Variants in WDFY3 observed in about 807,000 individuals in gnomAD.
WDFY3 encodes WD repeat and FYVE domain-containing protein 3.
In WDFY3, 66 loss-of-function variants were observed where a neutral mutation model predicts 409.6. The observed-to-expected ratio is 0.16, with a 90% CI of 0.13 to 0.20. The LOEUF (loss-of-function observed/expected upper bound fraction) is 0.20. WDFY3 is among the 10% of genes least tolerant of loss of function. The probability of loss-of-function intolerance (pLI) is 1.00; values close to 1 mark genes in which losing one functional copy is unlikely to be tolerated. For synonymous variants in WDFY3, 1,521 were observed against 1,537.1 expected (o/e 0.99, Z 0.25); for missense variants, 3,031 against 4,298.1 (o/e 0.71, Z 8.24).
At chr4:84,700,761 G>GTTCC (rs1730948892) in intron 56 of WDFY3, among the ~76,000 whole-genome samples, 1 of 152,074 alleles carries the variant, frequency 6.6e-6, no homozygotes, top group Admixed American at 6.6e-5. Flanking sequence ...GGTATCCCTG[G>GTTCC]GGAAGAAGGC....
intron 34 of WDFY3, among the ~76,000 whole-genome samples, chr4:84,754,534 A>C (rs1429545185): frequency 6.6e-6 from 1 of 152,222 alleles, no homozygotes; most frequent in Non-Finnish European, 1.5e-5. Context: ...TTTGTCAGGT[A>C]CATGTAATTC....
At position 84,682,522 on chromosome 4, in the gene WDFY3, C is replaced by T. The variant is rs768035834; in HGVS notation, c.9727-52G>A. 5.7e-6 allele frequency: 8 copies of T among 1,402,246 alleles called. No individual in the cohort carries two copies. In the Admixed American group the frequency reaches 8.8e-5, roughly 15 times the overall value. 86.9% of individuals were successfully genotyped at this position (1,402,246 alleles called of 1,614,324 possible). ...AAAAGTTAAGAAACAGATTAAGGAA[C>T]CAATTTACATTACTCAATGAAGAGA... On this transcript the variant is annotated intron_variant, in intron 63 of 67. Transcript: ENST00000295888.
At chr4:84,921,048 G>A (rs1167673523) in intron 2 of WDFY3, among the ~76,000 whole-genome samples, 1 of 151,930 alleles carries the variant, frequency 6.6e-6, no homozygotes, top group Non-Finnish European at 1.5e-5. Context: ...AGGTAGGAAA[G>A]AACTTAATGG....
chr4:84,775,225 C>T (rs1745350157), intron 27 of WDFY3, 87 bp from the exon 28 acceptor site: 1 of 998,302 alleles, frequency 1.0e-6, no homozygotes, highest in Non-Finnish European at 1.5e-6. Flanking sequence ...GCACATGGAA[C>T]TTATTTCACT....
At chr4:84,863,440 T>C (rs1177614808) in intron 3 of WDFY3, among the ~76,000 whole-genome samples, 1 of 152,158 alleles carries the variant, frequency 6.6e-6, no homozygotes, top group Admixed American at 6.5e-5. Flanking sequence ...GGATATCTTA[T>C]TGTGGTTTTG....
chr4:84,877,125 C>T (rs986563232), intron 3 of WDFY3, among the ~76,000 whole-genome samples: 4 of 152,236 alleles, frequency 2.6e-5, no homozygotes, highest in African/African-American at 9.6e-5. Context: ...AATTTTAAGG[C>T]TCTTTATTAT....
chr4:84,775,499 ATAG>A (rs1745398238), intron 27 of WDFY3, among the ~76,000 whole-genome samples: 1 of 152,000 alleles, frequency 6.6e-6, no homozygotes, highest in East Asian at 1.9e-4. Context: ...GACGGCATTA[ATAG>A]TAGATGAGAT....
At chr4:84,846,472 A>C (rs1242669426) in intron 5 of WDFY3, among the ~76,000 whole-genome samples, 1 of 151,930 alleles carries the variant, frequency 6.6e-6, no homozygotes, top group East Asian at 1.9e-4. Context: ...TGTGGATGTA[A>C]AATCATAAAG....
chr4:84,721,690 G>A, intron 46 of WDFY3, 118 bp from the exon 47 acceptor site: 1 of 1,197,290 alleles, frequency 8.4e-7, no homozygotes, highest in Non-Finnish European at 1.1e-6. Flanking sequence ...GGAAGGTATA[G>A]GGAGGTAGCA....
At chr4:84,680,493 A>T (rs1452655735) in intron 64 of WDFY3, among the ~76,000 whole-genome samples, 1 of 152,072 alleles carries the variant, frequency 6.6e-6, no homozygotes, top group Non-Finnish European at 1.5e-5. Context: ...CTTACTTTGG[A>T]ATTTTGTTCT....
In WDFY3 at chr4:84,755,249, C is replaced by T. The variant is rs1741238584; in HGVS notation, c.5559+17G>A. On this transcript the variant is annotated intron_variant, in intron 34 of 67. Transcript: ENST00000295888. ...AGGAGGAATTCTCAATAGGCCTGGG[C>T]ATTTGAGTGAACTTACTGAAGTCAG... is the stretch of plus-strand genomic sequence containing the variant. The T allele has an allele frequency of 5.6e-6, 9 of 1,609,322 alleles. No individual in the cohort carries two copies. Among genetic ancestry groups the T allele is most frequent in the Non-Finnish European group, 6.8e-6 (8 of 1,178,718 alleles).
chr4:84,675,827 C>T (rs1726182790), intron 67 of WDFY3, among the ~76,000 whole-genome samples: 2 of 152,086 alleles, frequency 1.3e-5, no homozygotes, highest in African/African-American at 2.4e-5. Context: ...TATCTGGGAC[C>T]CAGGTGTAGG....
chr4:84,762,359 A>T (rs1742791834), intron 32 of WDFY3, among the ~76,000 whole-genome samples: 1 of 151,454 alleles, frequency 6.6e-6, no homozygotes, highest in Non-Finnish European at 1.5e-5. Context: ...AAACTATCGC[A>T]AGAACAAAAA....
At chr4:84,691,823 GA>G (rs779717975) in intron 59 of WDFY3, 38 bp from the exon 60 acceptor site, 1 of 1,541,870 alleles carries the variant, frequency 6.5e-7, no homozygotes, top group South Asian at 1.2e-5. Context: ...ACAGGAACAG[GA>G]AAAACTAATG....
At chr4:84,908,542 T>C (rs1057219913) in intron 2 of WDFY3, among the ~76,000 whole-genome samples, 1 of 152,192 alleles carries the variant, frequency 6.6e-6, no homozygotes, top group African/African-American at 2.4e-5. Context: ...GACAGAACTA[T>C]AAATTCAATA....
chr4:84,761,863 T>C (rs1212415439), intron 32 of WDFY3, among the ~76,000 whole-genome samples: 1 of 152,068 alleles, frequency 6.6e-6, no homozygotes, highest in Non-Finnish European at 1.5e-5. Flanking sequence ...CATGAAAAAA[T>C]GCTCACCATC....
At chr4:84,873,603 T>C (rs1762398749) in intron 3 of WDFY3, among the ~76,000 whole-genome samples, 1 of 145,364 alleles carries the variant, frequency 6.9e-6, no homozygotes, top group Admixed American at 7.1e-5. Context: ...GAAAAGTAGT[T>C]TGAGCTTAAA....
At chr4:84,774,156 C>T (rs562613814) in intron 29 of WDFY3, among the ~76,000 whole-genome samples, 1 of 152,192 alleles carries the variant, frequency 6.6e-6, no homozygotes, top group Non-Finnish European at 1.5e-5. Flanking sequence ...TGGTAGATCA[C>T]ATGAACGAAC....
In WDFY3 at chr4:84,674,769, G is replaced by C. The variant is rs555748761; in HGVS notation, c.10458-1778C>G. Among the ~76,000 whole-genome samples, 562 of 151,514 alleles carry C rather than the reference G, an allele frequency of 3.7e-3. 6 individuals are homozygous for C. Among genetic ancestry groups the C allele is most frequent in the South Asian group, 0.02 (96 of 4,776 alleles). Reference sequence around the variant, plus strand: ...TGTAGTCCCAGCTACTCAGGAAGCTGAGGTAGAAGAATCGCTTGAACCCAG... The same window carrying C: ...TGTAGTCCCAGCTACTCAGGAAGCTCAGGTAGAAGAATCGCTTGAACCCAG... On this transcript the variant is annotated intron_variant, in intron 67 of 67. Coordinates refer to ENST00000295888, the MANE Select transcript of WDFY3 (RefSeq NM_014991.6).
Sources: allele counts gnomAD v4.1 joint callset (sites outside exome capture counted in the v4.1 genomes callset), GRCh38; gene constraint gnomAD v4.1.1; transcripts MANE v1.5; gene names NCBI Gene and HGNC (gene_info 2026-07-23, HGNC 2026-07-21).